Variants in PTPRD observed in about 807,000 individuals in gnomAD.
The protein encoded by PTPRD is receptor-type tyrosine-protein phosphatase delta.
Under a neutral mutation model 214.5 loss-of-function variants are expected in PTPRD, and 34 were observed. That is an observed-to-expected ratio of 0.16 (90% CI 0.12 to 0.21). PTPRD has a LOEUF of 0.21. PTPRD is among the 10% of genes least tolerant of loss of function. The pLI is 1.00. For synonymous variants in PTPRD, 1,128 were observed against 845.7 expected (o/e 1.33, Z -5.79); for missense variants, 2,545 against 2,398.7 (o/e 1.06, Z -1.27).
intron 7 of PTPRD, among the ~76,000 whole-genome samples, chr9:9,686,970 C>A (rs2097176619): frequency 6.6e-6 from 1 of 151,660 alleles, no homozygotes; most frequent in South Asian, 2.1e-4. Context: ...CCCTGCCTTG[C>A]CAAAGACTTC....
chr9:10,351,612 G>T (rs1461668105), intron 2 of PTPRD, among the ~76,000 whole-genome samples: 1 of 150,586 alleles, frequency 6.6e-6, no homozygotes, highest in Non-Finnish European at 1.5e-5. Context: ...ATTTATCCAA[G>T]AAATAATACT....
chr9:9,818,980 A>T (rs1456863292), intron 5 of PTPRD, among the ~76,000 whole-genome samples: 2 of 152,014 alleles, frequency 1.3e-5, no homozygotes, highest in African/African-American at 4.8e-5. Context: ...GTAATAGCTG[A>T]CAAAGATTTA....
At chr9:9,872,769 GT>G (rs531909251) in intron 5 of PTPRD, among the ~76,000 whole-genome samples, 27 of 152,142 alleles carry the variant, frequency 1.8e-4, no homozygotes, top group Non-Finnish European at 3.8e-4. Flanking sequence ...ACTTCAAGTA[GT>G]TTTTAAAAAA....
At chr9:9,555,563 T>G (rs78241322) in intron 8 of PTPRD, among the ~76,000 whole-genome samples, 2,697 of 152,204 alleles carry the variant, frequency 0.018, 40 homozygotes, top group Admixed American at 0.027. Context: ...AATTCAGCAT[T>G]ATTGTAGGAT....
chr9:9,210,832 A>C (rs1479028170), intron 9 of PTPRD, among the ~76,000 whole-genome samples: 1 of 151,974 alleles, frequency 6.6e-6, no homozygotes, highest in African/African-American at 2.4e-5. Flanking sequence ...CTTTAGTTTC[A>C]ATATGCACAA....
chr9:9,993,373 T>C (rs548002357), intron 4 of PTPRD, among the ~76,000 whole-genome samples: 1 of 152,208 alleles, frequency 6.6e-6, no homozygotes, highest in Non-Finnish European at 1.5e-5. Flanking sequence ...CGTATGTTTT[T>C]TTGTAATAGG....
At chr9:8,828,604 G>A (rs965127330) in intron 11 of PTPRD, among the ~76,000 whole-genome samples, 1 of 152,118 alleles carries the variant, frequency 6.6e-6, no homozygotes, top group Admixed American at 6.6e-5. Context: ...TCTAAGGCAG[G>A]CAGAACCCCA....
intron 21 of PTPRD, among the ~76,000 whole-genome samples, chr9:8,511,458 GT>G (rs1193043068): frequency 6.6e-6 from 1 of 151,664 alleles, no homozygotes; most frequent in East Asian, 1.9e-4. Context: ...TCACTTACCA[GT>G]CCTTTGTCTA....
chr9:9,268,165 G>T (rs1941000488), intron 9 of PTPRD, among the ~76,000 whole-genome samples: 1 of 151,136 alleles, frequency 6.6e-6, no homozygotes, highest in Non-Finnish European at 1.5e-5. Context: ...ATTCAGTGAA[G>T]TCGCAGGATA....
chr9:9,070,171 C>T (rs964431550), intron 10 of PTPRD, among the ~76,000 whole-genome samples: 1 of 152,158 alleles, frequency 6.6e-6, no homozygotes, highest in Non-Finnish European at 1.5e-5. Flanking sequence ...TAGCTAGATT[C>T]TGTCTTGGTG....
chr9:10,415,641 A>G (rs1386380892), intron 2 of PTPRD, among the ~76,000 whole-genome samples: 1 of 151,878 alleles, frequency 6.6e-6, no homozygotes, highest in African/African-American at 2.4e-5. Context: ...AGTGGTTTTG[A>G]TAGAGAGACG....
chr9:8,507,369 T>C lies in PTPRD; in HGVS notation c.1609A>G (p.Thr537Ala). 2 of 1,614,002 alleles carry C rather than the reference T, an allele frequency of 1.2e-6. No individual in the cohort carries two copies. The highest frequency in any genetic ancestry group is 1.7e-6 in the Non-Finnish European group (2 of 1,179,878). ...ESETSILLSW[T>A]PPRSDTIANY... ...GCAATGGTATCTGAACGTGGAGGTG[T>C]CCAAGAGAGCAAAATACTTGTTTCA... Residue 537 changes from threonine (T) to alanine (A), a missense_variant, in exon 22 of 46, where the codon ACA becomes GCA. Thr to Ala is a moderately conservative substitution (Grantham distance 58, BLOSUM62 0). Coordinates refer to ENST00000381196, the MANE Select transcript of PTPRD (RefSeq NM_002839.4).
At chr9:9,717,618 A>G (rs960565033) in intron 7 of PTPRD, among the ~76,000 whole-genome samples, 6 of 152,184 alleles carry the variant, frequency 3.9e-5, no homozygotes, top group African/African-American at 1.4e-4. Context: ...CAAAACAAAG[A>G]TGTCTTATGA....
At chr9:8,421,963 C>A (rs181169372) in intron 35 of PTPRD, among the ~76,000 whole-genome samples, 45 of 151,342 alleles carry the variant, frequency 3.0e-4, no homozygotes, top group Non-Finnish European at 5.6e-4. Flanking sequence ...ACCTGTGCAA[C>A]ATGGCGAAAC....
chr9:9,984,699 C>T (rs2095650276), intron 4 of PTPRD, among the ~76,000 whole-genome samples: 1 of 152,108 alleles, frequency 6.6e-6, no homozygotes, highest in South Asian at 2.1e-4. Context: ...TACAATATCC[C>T]TGCTGGGAGG....
chr9:9,169,819 A>G (rs2099911134), intron 10 of PTPRD, among the ~76,000 whole-genome samples: 1 of 152,180 alleles, frequency 6.6e-6, no homozygotes, highest in South Asian at 2.1e-4. Context: ...GAAAACTAAA[A>G]CAACATCAAT....
At chr9:10,128,768 T>G (rs1193322917) in intron 3 of PTPRD, among the ~76,000 whole-genome samples, 1 of 152,116 alleles carries the variant, frequency 6.6e-6, no homozygotes, top group East Asian at 1.9e-4. Context: ...CACAAACTGT[T>G]TTTCTGCTGC....
chr9:9,584,796 T>C (rs548160340), intron 7 of PTPRD, among the ~76,000 whole-genome samples: 1 of 152,126 alleles, frequency 6.6e-6, no homozygotes, highest in Non-Finnish European at 1.5e-5. Context: ...TTTCAACCTG[T>C]AATGTCAAGG....
chr9:8,768,889 G>T (rs2094969296), intron 11 of PTPRD, among the ~76,000 whole-genome samples: 1 of 152,112 alleles, frequency 6.6e-6, no homozygotes, highest in Non-Finnish European at 1.5e-5. Context: ...GTTTGCAAGG[G>T]ACTAGTACAC....
Sources: allele counts gnomAD v4.1 joint callset (sites outside exome capture counted in the v4.1 genomes callset), GRCh38; gene constraint gnomAD v4.1.1; transcripts MANE v1.5; gene names NCBI Gene and HGNC (gene_info 2026-07-23, HGNC 2026-07-21).